Variants in DCLRE1A observed in about 807,000 individuals in gnomAD.
DCLRE1A encodes the protein DNA cross-link repair 1A protein.
Under a neutral mutation model 91.9 loss-of-function variants are expected in DCLRE1A, and 64 were observed. The ratio of observed to expected loss-of-function variants is 0.70; its 90% CI spans 0.57 to 0.86. The LOEUF is 0.86. Ranked by LOEUF, DCLRE1A falls within the 40% of genes least tolerant of loss-of-function variation. The pLI is 0.00. For synonymous variants in DCLRE1A, 416 were observed against 431.1 expected, an observed-to-expected ratio of 0.96 and a Z score of 0.43; for missense variants, 1,145 against 1,213.3, an observed-to-expected ratio of 0.94 and a Z score of 0.84.
At chr10:113,838,886 C>T (rs1485960683) in intron 7 of DCLRE1A, among the ~76,000 whole-genome samples, 4 of 152,050 alleles carry the variant, frequency 2.6e-5, no homozygotes, top group African/African-American at 4.8e-5. Flanking sequence ...TTCAGGCATG[C>T]CCTGGGCACC....
chr10:113,837,809 C>T (rs1845386764), intron 7 of DCLRE1A, among the ~76,000 whole-genome samples: 2 of 152,038 alleles, frequency 1.3e-5, no homozygotes, highest in Admixed American at 6.6e-5. Flanking sequence ...GATAGAACTT[C>T]CCCAAACTAA....
intron 1 of DCLRE1A, 31 bp from the exon 2 acceptor site, chr10:113,850,675 C>A (rs765595981): frequency 3.3e-6 from 5 of 1,509,690 alleles, no homozygotes; most frequent in Admixed American, 4.2e-5. Context: ...AAATATTACA[C>A]GATCAAAGCA....
rs1845702643 is a variant in DCLRE1A at position 113,853,871 on chromosome 10, G to A, written c.-689C>T. 6.6e-6 allele frequency: 1 copy of A among 152,246 alleles called. No individual in the cohort carries two copies. 9.4% of individuals were successfully genotyped at this position (152,246 alleles called of 1,614,324 possible). A position where few individuals can be genotyped will look rare whatever the true frequency, so the allele number is the denominator to read the frequency against. ...CCCTGCACAGTGAACAAAAAAAGTT[G>A]ATATGTGAAAAAAGTTCAAATATGT... On this transcript the variant is annotated 5_prime_UTR_variant, in exon 1 of 9. Coordinates refer to ENST00000361384, the MANE Select transcript of DCLRE1A (RefSeq NM_014881.5).
At position 113,842,367 on chromosome 10, in the gene DCLRE1A, T is replaced by C. The variant is rs552416142; in HGVS notation, c.2641A>G (p.Ile881Val). ...HALVVCGTYSIGKEKVFLAIA... is the reference protein window; with the variant it reads ...HALVVCGTYSVGKEKVFLAIA... ...CCTAGGAAGACTTTCTCTTTTCCAA[T>C]AGAGTAAGTGCCACAGACAACAAGA... Residue 881 changes from isoleucine (I) to valine (V), a missense_variant, in exon 6 of 9, where the codon ATT becomes GTT. Transcript: ENST00000361384. The C allele has an allele frequency of 9.3e-6, 15 of 1,613,524 alleles. No individual in the cohort carries two copies. The highest frequency in any genetic ancestry group is 2.7e-5 in the African/African-American group (2 of 75,038).
At chr10:113,852,504 G>T (rs182901306) in intron 1 of DCLRE1A, among the ~76,000 whole-genome samples, 18 of 152,356 alleles carry the variant, frequency 1.2e-4, no homozygotes, top group African/African-American at 3.8e-4. Context: ...AAATAATCCA[G>T]ATACTTAGGA....
Position 113,850,094 on chromosome 10 carries a change from A to G in DCLRE1A, c.1011T>C (p.Asp337=). 6.2e-7 allele frequency: 1 copy of G among 1,613,986 alleles called. No homozygotes were observed. The highest frequency in any genetic ancestry group is 8.5e-7 in the Non-Finnish European group (1 of 1,179,964). ...TTTTAAAAAAACCACAGCTGTCATC[A>G]TCTTCTTCGAGGCTGCCATCTTTTG... ...ESSKDGSLEE[D]DDSCGFFKKR... Residue 337 remains aspartate, a synonymous_variant, in exon 2 of 9, where the codon GAT becomes GAC. Transcript: ENST00000361384.
At chr10:113,845,307 C>G (rs1176036095) in intron 4 of DCLRE1A, among the ~76,000 whole-genome samples, 1 of 152,092 alleles carries the variant, frequency 6.6e-6, no homozygotes, top group Non-Finnish European at 1.5e-5. Flanking sequence ...TAAAACCGAC[C>G]TCTAGTATCT....
In DCLRE1A at chr10:113,849,913, A is replaced by G; in HGVS notation, c.1192T>C (p.Tyr398His). 2 of 1,613,998 alleles carry G rather than the reference A, an allele frequency of 1.2e-6. No homozygotes were observed. Among genetic ancestry groups the G allele is most frequent in the Non-Finnish European group, 8.5e-7 (1 of 1,179,996 alleles). ...TCACCACCAGTACATGCCAGATCAT[A>G]AGGCAAAGTACTCTCATTATTTTGA... ...ISQNNESTLPYDLACTGGDFV... is the reference protein window; with the variant it reads ...ISQNNESTLPHDLACTGGDFV... Residue 398 changes from tyrosine (Y) to histidine (H), a missense_variant, in exon 2 of 9, where the codon TAT (tyrosine) becomes CAT (histidine). By Grantham distance (83) the Tyr-to-His change is moderately conservative. Transcript: ENST00000361384.
At chr10:113,852,553 T>C (rs1460969946) in intron 1 of DCLRE1A, among the ~76,000 whole-genome samples, 170 bp downstream of exon 1, 2 of 152,362 alleles carry the variant, frequency 1.3e-5, no homozygotes, top group Non-Finnish European at 2.9e-5. Flanking sequence ...AACTGTTTTC[T>C]AGTCTGCCAT....
chr10:113,850,263 G>A lies in DCLRE1A; in HGVS notation c.842C>T (p.Ser281Leu). The change falls in exon 2 of 9, where the codon TCA (serine) becomes TTA (leucine). Residue 281 changes from serine (S) to leucine (L), a missense_variant. Ser to Leu is a moderately radical substitution (Grantham distance 145). Transcript: ENST00000361384. Reference sequence around the variant, plus strand: ...TGGCAATGGCAAATTTATGTGTTCTGAGTTGTTTGCAAGACGCAAAGCAAC... The same window carrying A: ...TGGCAATGGCAAATTTATGTGTTCTAAGTTGTTTGCAAGACGCAAAGCAAC... ...VGVALRLANN[S>L]EHINLPLPEN... The A allele has an allele frequency of 1.2e-6, 2 of 1,614,116 alleles. No individual in the cohort carries two copies. The highest frequency in any genetic ancestry group is 1.7e-6 in the Non-Finnish European group (2 of 1,180,020).
chr10:113,844,525 C>T, intron 4 of DCLRE1A, among the ~76,000 whole-genome samples: 1 of 152,168 alleles, frequency 6.6e-6, no homozygotes, highest in Admixed American at 6.5e-5. Context: ...AACTCTGAAC[C>T]CTAGGAATAT....
chr10:113,845,919 A>AGG, intron 3 of DCLRE1A, 116 bp from the exon 4 acceptor site: 5 of 885,930 alleles, frequency 5.6e-6, no homozygotes, highest in African/African-American at 1.7e-5. Context: ...ATATTTAAGT[A>AGG]AACACTCCAC....
chr10:113,835,363 C>T (rs750763987), intron 8 of DCLRE1A, 51 bp from the exon 9 acceptor site: 1 of 1,496,300 alleles, frequency 6.7e-7, no homozygotes, highest in Non-Finnish European at 8.9e-7. Flanking sequence ...CTAATTTAAA[C>T]TTTCACAATC....
At chr10:113,839,036 T>A (rs1030656764) in intron 7 of DCLRE1A, among the ~76,000 whole-genome samples, 1 of 151,912 alleles carries the variant, frequency 6.6e-6, no homozygotes, top group South Asian at 2.1e-4. Context: ...AGGTAAGAAA[T>A]CTTCCGAGGC....
At chr10:113,843,186 T>C (rs1478175399) in intron 5 of DCLRE1A, among the ~76,000 whole-genome samples, 1 of 152,040 alleles carries the variant, frequency 6.6e-6, no homozygotes, top group African/African-American at 2.4e-5. Flanking sequence ...ACTTTTTCAC[T>C]AAAAATGTAA....
intron 1 of DCLRE1A, among the ~76,000 whole-genome samples, chr10:113,852,132 C>G (rs1209241822): frequency 6.6e-6 from 1 of 152,164 alleles, no homozygotes; most frequent in African/African-American, 2.4e-5. Context: ...GTCAGGAGAT[C>G]GAGACCATCC....
At position 113,849,660 on chromosome 10, in the gene DCLRE1A, G is replaced by A; in HGVS notation, c.1445C>T (p.Thr482Ile). ...QVEGYLSSQP[T>I]QNTIRKLSSE... ...TGATAATTTTCTAATTGTATTTTGG[G>A]TTGGTTGGGAAGAAAGATACCCTTC... The change falls in exon 2 of 9, where the codon ACC becomes ATC. Residue 482 changes from threonine to isoleucine, a missense_variant. Thr to Ile is a moderately conservative substitution (Grantham distance 89). Transcript: ENST00000361384. The A allele has an allele frequency of 6.2e-7, 1 of 1,614,130 alleles. No individual in the cohort carries two copies. Among genetic ancestry groups the A allele is most frequent in the Non-Finnish European group, 8.5e-7 (1 of 1,180,034 alleles).
Position 113,850,298 on chromosome 10 carries a change from T to A in DCLRE1A, c.807A>T (p.Lys269Asn). 1 of 1,614,186 alleles carries A rather than the reference T, an allele frequency of 6.2e-7. No homozygotes were observed. Among genetic ancestry groups the A allele is most frequent in the Non-Finnish European group, 8.5e-7 (1 of 1,180,030 alleles). ...LQFTDFVEND[K>N]LVGVALRLAN... ...CAAGACGCAAAGCAACTCCCACTAG[T>A]TTGTCATTCTCAACAAAATCTGTAA... The change falls in exon 2 of 9, where the codon AAA (lysine) becomes AAT (asparagine). Residue 269 changes from lysine (K) to asparagine (N), a missense_variant. Transcript: ENST00000361384.
intron 3 of DCLRE1A, among the ~76,000 whole-genome samples, chr10:113,846,213 TC>T (rs1845534633): frequency 6.6e-6 from 1 of 152,194 alleles, no homozygotes; most frequent in Non-Finnish European, 1.5e-5. Flanking sequence ...CTCTGCCTGG[TC>T]CTGGAATCAG....
Sources: gnomAD v4.1 joint callset for allele counts (sites outside exome capture counted in the v4.1 genomes callset) on GRCh38, gnomAD v4.1.1 for gene constraint, MANE v1.5 for transcripts, NCBI Gene and HGNC (gene_info 2026-07-23, HGNC 2026-07-21) for gene names.